The following SNTG1 variants were observed in gnomAD, a reference collection of about 807,000 sequenced individuals.
SNTG1 encodes gamma-1-syntrophin.
A neutral mutation model predicts 74.7 loss-of-function variants in SNTG1; 39 were observed. The ratio of observed to expected loss-of-function variants is 0.52; its 90% CI spans 0.40 to 0.68. The LOEUF is 0.68. Ranked by LOEUF, SNTG1 falls within the 30% of genes least tolerant of loss-of-function variation. The pLI is 0.00. For missense variants in SNTG1, 685 were observed against 609.5 expected, an observed-to-expected ratio of 1.12 and a Z score of -1.30; for synonymous variants, 254 against 217.1, an observed-to-expected ratio of 1.17 and a Z score of -1.49.
intron 18 of SNTG1, among the ~76,000 whole-genome samples, chr8:50,779,628 A>G (rs1440367263): frequency 6.6e-6 from 1 of 151,962 alleles, no homozygotes; most frequent in Non-Finnish European, 1.5e-5. Context: ...TTTTCTAGAT[A>G]TACAATCATG....
chr8:50,444,350 C>T (rs147833538), intron 5 of SNTG1, among the ~76,000 whole-genome samples: 21 of 152,238 alleles, frequency 1.4e-4, no homozygotes, highest in South Asian at 4.1e-4. Flanking sequence ...AGTGCATGGA[C>T]GTGCTTGCAT....
intron 14 of SNTG1, 23 bp downstream of exon 14, chr8:50,657,048 T>C: frequency 7.2e-7 from 1 of 1,395,230 alleles, no homozygotes; most frequent in Non-Finnish European, 9.7e-7. Context: ...TTGAAATGTA[T>C]TGGTCGTTTC....
At chr8:50,233,710 A>G (rs1586788928) in intron 2 of SNTG1, among the ~76,000 whole-genome samples, 1 of 127,462 alleles carries the variant, frequency 7.8e-6, no homozygotes, top group East Asian at 2.5e-4. Flanking sequence ...CTTCACTTTA[A>G]AAAAACCCAC....
chr8:50,079,852 G>T (rs1822243145), intron 1 of SNTG1, among the ~76,000 whole-genome samples: 1 of 151,630 alleles, frequency 6.6e-6, no homozygotes, highest in Non-Finnish European at 1.5e-5. Context: ...AAGATCAGAT[G>T]GTTGTAGATG....
chr8:50,490,963 C>A, intron 8 of SNTG1: 1 of 153,360 alleles, frequency 6.5e-6, no homozygotes. Context: ...GGAGCTGGAA[C>A]CCAAGCCTAT....
At chr8:50,426,096 G>A (rs746781901) in intron 4 of SNTG1, among the ~76,000 whole-genome samples, 4 of 152,106 alleles carry the variant, frequency 2.6e-5, no homozygotes, top group Non-Finnish European at 5.9e-5. Flanking sequence ...ACATAGTATG[G>A]TAAGTTGGTT....
chr8:50,464,979 C>A (rs2131706279), intron 8 of SNTG1, among the ~76,000 whole-genome samples: 1 of 148,198 alleles, frequency 6.7e-6, no homozygotes, highest in South Asian at 2.1e-4. Context: ...CTCTGATAGA[C>A]TTTCTCCACA....
intron 15 of SNTG1, among the ~76,000 whole-genome samples, chr8:50,670,451 AAG>A (rs1186000784): frequency 1.3e-5 from 2 of 151,738 alleles, no homozygotes; most frequent in Non-Finnish European, 2.9e-5. Context: ...AATTGCTTCA[AAG>A]AGAATAAAAT....
intron 12 of SNTG1, among the ~76,000 whole-genome samples, chr8:50,557,500 T>A (rs2094462980): frequency 6.6e-6 from 1 of 152,126 alleles, no homozygotes; most frequent in Non-Finnish European, 1.5e-5. Context: ...GCAGGATACA[T>A]CCCTCTGGAC....
chr8:50,502,816 A>C lies in SNTG1; in HGVS notation c.402A>C (p.Leu134=), dbSNP rs1340865540. 6.8e-6 allele frequency: 11 copies of C among 1,613,334 alleles called. No homozygotes were observed. The South Asian group carries it at 1.1e-4, about 16-fold the overall frequency. ...GGAATGCTGGAGAAGAAGTGACTCTAACAGTGTCATTTTTAAAAAGAGCAC... is the reference window on the plus strand; with the variant it reads ...GGAATGCTGGAGAAGAAGTGACTCTCACAGTGTCATTTTTAAAAAGAGCAC... ...VLRNAGEEVT[L]TVSFLKRAPA... is the part of the protein sequence containing the mutation. Residue 134 remains leucine (L), a synonymous_variant, in exon 9 of 19, where the codon CTA becomes CTC. Coordinates refer to ENST00000642720, the MANE Select transcript of SNTG1 (RefSeq NM_018967.5).
chr8:50,273,350 C>T lies in SNTG1; in HGVS notation c.-28+100715C>T, dbSNP rs146346102. 6.6e-5 allele frequency among the ~76,000 whole-genome samples: 10 copies of T among 152,292 alleles called. No homozygotes were observed. The East Asian group carries it at 1.9e-3, about 29-fold the overall frequency. On this transcript the variant is annotated intron_variant, in intron 2 of 18. Coordinates refer to ENST00000642720, the MANE Select transcript of SNTG1 (RefSeq NM_018967.5). ...CAGAAGTCTGCACAAAATCCACATA[C>T]TTTGTCATTCCTTCATTTGACACAT...
intron 1 of SNTG1, among the ~76,000 whole-genome samples, chr8:50,058,195 C>T (rs1820186668): frequency 6.6e-6 from 1 of 152,068 alleles, no homozygotes; most frequent in African/African-American, 2.4e-5. Flanking sequence ...GGCACTTGTA[C>T]CACACAGGCT....
intron 1 of SNTG1, among the ~76,000 whole-genome samples, chr8:49,993,063 C>A (rs890107965): frequency 5.9e-5 from 9 of 152,030 alleles, no homozygotes; most frequent in Non-Finnish European, 1.0e-4. Flanking sequence ...CTAGTCATTG[C>A]ATGCATGCTT....
chr8:50,212,427 A>G (rs1336692494), intron 2 of SNTG1, among the ~76,000 whole-genome samples: 1 of 152,216 alleles, frequency 6.6e-6, no homozygotes, highest in Admixed American at 6.6e-5. Context: ...ATGCAGGATT[A>G]CATGAACATA....
At chr8:49,921,780 C>T (rs13271446) in intron 1 of SNTG1, among the ~76,000 whole-genome samples, 1 of 151,778 alleles carries the variant, frequency 6.6e-6, no homozygotes, top group African/African-American at 2.4e-5. Context: ...CTTTTCTCCA[C>T]CTCATTATAT....
In SNTG1 at chr8:50,252,820, G is replaced by A. The variant is rs531966789; in HGVS notation, c.-28+80185G>A. Among the ~76,000 whole-genome samples the A allele has an allele frequency of 3.0e-4, 46 of 152,238 alleles. No individual in the cohort carries two copies. The South Asian group carries it at 3.5e-3, about 12-fold the overall frequency. On this transcript the variant is annotated intron_variant, in intron 2 of 18. Transcript: ENST00000642720. Reference sequence around the variant, plus strand: ...CCAGGCCCTACGTCCAACATTGACAGTCACATTTCAACATGAGATTTGAAG... The same window carrying A: ...CCAGGCCCTACGTCCAACATTGACAATCACATTTCAACATGAGATTTGAAG...
chr8:49,927,396 G>C (rs1341235553), intron 1 of SNTG1, among the ~76,000 whole-genome samples: 1 of 152,086 alleles, frequency 6.6e-6, no homozygotes, highest in Non-Finnish European at 1.5e-5. Context: ...GTACTTCCAG[G>C]TAAGGGAATA....
intron 1 of SNTG1, among the ~76,000 whole-genome samples, chr8:50,081,825 G>T (rs571435848): frequency 6.6e-6 from 1 of 152,190 alleles, no homozygotes; most frequent in Non-Finnish European, 1.5e-5. Context: ...TAGAGAGGAG[G>T]TTTCACCATG....
At chr8:49,986,914 AATATCTGGGT>A (rs1163675537) in intron 1 of SNTG1, among the ~76,000 whole-genome samples, 1 of 152,148 alleles carries the variant, frequency 6.6e-6, no homozygotes, top group Non-Finnish European at 1.5e-5. Context: ...AATATAAATA[AATATCTGGGT>A]ATGGAGAAGA....
Sources: gnomAD v4.1 joint callset for allele counts (sites outside exome capture counted in the v4.1 genomes callset) on GRCh38, gnomAD v4.1.1 for gene constraint, MANE v1.5 for transcripts, NCBI Gene and HGNC (gene_info 2026-07-23, HGNC 2026-07-21) for gene names.